QTMAN: variants seen among roughly 807,000 people sequenced by gnomAD.
The protein encoded by QTMAN is queuosine-tRNA mannosyltransferase.
the QTMAN span, among the ~76,000 whole-genome samples, chr2:144,315,937 T>G: frequency 2.0e-5 from 3 of 152,252 alleles, no homozygotes; most frequent in South Asian, 4.2e-4. Flanking sequence ...GGGGGACAAA[T>G]AGCAAAGCCA....
the QTMAN span, chr2:144,007,615 TAATG>T: frequency 1.2e-6 from 1 of 841,808 alleles, no homozygotes; most frequent in Non-Finnish European, 1.8e-6. Flanking sequence ...TGTAAGTACA[TAATG>T]ATTATATATA....
At chr2:144,148,480 T>C in the QTMAN span, among the ~76,000 whole-genome samples, 1 of 151,826 alleles carries the variant, frequency 6.6e-6, no homozygotes, top group Non-Finnish European at 1.5e-5. Flanking sequence ...TATAAAACTA[T>C]ACATTTGAAG....
the QTMAN span, among the ~76,000 whole-genome samples, chr2:144,096,472 T>C: frequency 6.6e-6 from 1 of 152,232 alleles, no homozygotes; most frequent in African/African-American, 2.4e-5. Context: ...AGGCATTACA[T>C]TCTACAATTC....
At chr2:143,939,543 C>G in the QTMAN span, 3 of 152,040 alleles carry the variant, frequency 2.0e-5, no homozygotes, top group Non-Finnish European at 4.4e-5. Context: ...CTTTTTTTGA[C>G]TATCTTTGTC....
At chr2:144,193,752 C>G in the QTMAN span, among the ~76,000 whole-genome samples, 1 of 151,978 alleles carries the variant, frequency 6.6e-6, no homozygotes, top group African/African-American at 2.4e-5. Flanking sequence ...GTCTCAAACT[C>G]CTGGCCTCAA....
chr2:144,091,140 G>A, the QTMAN span, among the ~76,000 whole-genome samples: 1 of 151,746 alleles, frequency 6.6e-6, no homozygotes, highest in Middle Eastern at 3.2e-3. Flanking sequence ...ATATGGTGCT[G>A]GAACAATTGG....
At chr2:144,331,520 G>A in the QTMAN span, among the ~76,000 whole-genome samples, 2 of 151,926 alleles carry the variant, frequency 1.3e-5, no homozygotes, top group Admixed American at 1.3e-4. Context: ...TGCGATACAG[G>A]TGGAAGAAAA....
chr2:144,274,004 C>T, the QTMAN span, among the ~76,000 whole-genome samples: 1 of 152,056 alleles, frequency 6.6e-6, no homozygotes, highest in Admixed American at 6.5e-5. Flanking sequence ...CGTGATGGCA[C>T]GCACCTGTAG....
chr2:144,260,429 A>AT, the QTMAN span, among the ~76,000 whole-genome samples: 10 of 152,002 alleles, frequency 6.6e-5, no homozygotes, highest in African/African-American at 2.4e-4. Flanking sequence ...AATTTGTTTA[A>AT]TTTTTTATCC....
chr2:144,295,582 C>A, the QTMAN span, among the ~76,000 whole-genome samples: 1 of 152,066 alleles, frequency 6.6e-6, no homozygotes, highest in African/African-American at 2.4e-5. Context: ...AATAAGAAAA[C>A]AGTTAGCCAG....
chr2:144,225,401 TTATAG>T, the QTMAN span, among the ~76,000 whole-genome samples: 2 of 152,320 alleles, frequency 1.3e-5, no homozygotes, highest in African/African-American at 4.8e-5. Flanking sequence ...CCTCTGAAAT[TTATAG>T]ATATCTTGAT....
the QTMAN span, chr2:144,211,344 G>A: frequency 2.0e-5 from 3 of 152,746 alleles, no homozygotes; most frequent in South Asian, 2.1e-4. Flanking sequence ...TAGCATTTAC[G>A]TGAGCATTTT....
the QTMAN span, among the ~76,000 whole-genome samples, chr2:144,153,046 G>A: frequency 0.046 from 6,955 of 152,104 alleles, 533 homozygotes; most frequent in African/African-American, 0.16. Context: ...CTGAGTTCTC[G>A]GGACTAAAAG....
At chr2:144,107,421 A>T in the QTMAN span, among the ~76,000 whole-genome samples, 21 of 152,310 alleles carry the variant, frequency 1.4e-4, no homozygotes, top group African/African-American at 4.8e-4. Flanking sequence ...GATAAAGGGG[A>T]TATCACCACC....
the QTMAN span, among the ~76,000 whole-genome samples, chr2:144,148,962 G>A: frequency 3.3e-5 from 5 of 151,756 alleles, no homozygotes; most frequent in African/African-American, 1.2e-4. Context: ...CTCGTAAAAC[G>A]GTAAAGTGGT....
chr2:144,055,344 C>CAG, the QTMAN span, among the ~76,000 whole-genome samples: 1 of 150,928 alleles, frequency 6.6e-6, no homozygotes, highest in East Asian at 1.9e-4. Flanking sequence ...GACACACACA[C>CAG]ACACACACAC....
At chr2:144,221,991 A>G in the QTMAN span, among the ~76,000 whole-genome samples, 1 of 152,214 alleles carries the variant, frequency 6.6e-6, no homozygotes, top group African/African-American at 2.4e-5. Context: ...GTATGTTAGA[A>G]ACTAAAATAA....
At chr2:144,216,786 G>A in the QTMAN span, among the ~76,000 whole-genome samples, 1 of 152,122 alleles carries the variant, frequency 6.6e-6, no homozygotes, top group South Asian at 2.1e-4. Context: ...AATGGCCTAA[G>A]AGAATATTTG....
chr2:144,280,898 CTTT>C, the QTMAN span, among the ~76,000 whole-genome samples: 1 of 148,794 alleles, frequency 6.7e-6, no homozygotes, highest in Non-Finnish European at 1.5e-5. Context: ...CCTATCAGAA[CTTT>C]TTTTTTTAAT....
Sources: gnomAD v4.1 joint callset for allele counts (sites outside exome capture counted in the v4.1 genomes callset) on GRCh38, gnomAD v4.1.1 for gene constraint, MANE v1.5 for transcripts, NCBI Gene and HGNC (gene_info 2026-07-23, HGNC 2026-07-21) for gene names.